The following PTPRM variants were observed in gnomAD, a reference collection of about 807,000 sequenced individuals.
PTPRM encodes protein tyrosine phosphatase receptor type M, also known as receptor-type tyrosine-protein phosphatase mu.
PTPRM carries 47 observed loss-of-function variants against 186.7 expected under a neutral mutation model. The observed-to-expected ratio is 0.25, with a 90% CI of 0.20 to 0.32. The LOEUF (loss-of-function observed/expected upper bound fraction) is 0.32, where lower values mean the gene tolerates loss of function less well. Among genes scored for constraint, PTPRM ranks in the 10% least tolerant of loss-of-function variants. PTPRM has a pLI of 1.00. For synonymous variants in PTPRM, 668 were observed against 674.9 expected (o/e 0.99, Z 0.16); for missense variants, 1,494 against 1,865.0 (o/e 0.80, Z 3.66).
chr18:8,254,638 T>C (rs79636817), intron 19 of PTPRM, among the ~76,000 whole-genome samples: 10,579 of 152,262 alleles, frequency 0.069, 426 homozygotes, highest in Middle Eastern at 0.12. Context: ...ACCTGGATAG[T>C]CTGTGAGTTT....
intron 14 of PTPRM, among the ~76,000 whole-genome samples, chr18:8,175,739 G>A (rs914243074): frequency 1.5e-4 from 23 of 152,214 alleles, no homozygotes; most frequent in African/African-American, 4.3e-4. Context: ...GCTGAGTCCA[G>A]TAGGCATCTT....
chr18:7,768,697 A>G (rs888351071), intron 1 of PTPRM, among the ~76,000 whole-genome samples: 1 of 147,756 alleles, frequency 6.8e-6, no homozygotes, highest in Non-Finnish European at 1.5e-5. Context: ...CCCAGGCTGG[A>G]GGGCAATGGC....
intron 1 of PTPRM, among the ~76,000 whole-genome samples, chr18:7,597,035 A>G (rs1043130362): frequency 6.6e-6 from 1 of 152,056 alleles, no homozygotes; most frequent in Non-Finnish European, 1.5e-5. Flanking sequence ...TGTATTTTTT[A>G]GTAGAGACTA....
intron 7 of PTPRM, among the ~76,000 whole-genome samples, chr18:8,053,616 C>T (rs1215929133): frequency 2.6e-5 from 4 of 152,138 alleles, no homozygotes; most frequent in Non-Finnish European, 4.4e-5. Flanking sequence ...ATTCTTCCTA[C>T]GGAGTGTTCT....
At chr18:8,089,073 T>A (rs544218824) in intron 11 of PTPRM, among the ~76,000 whole-genome samples, 1 of 152,218 alleles carries the variant, frequency 6.6e-6, no homozygotes, top group Non-Finnish European at 1.5e-5. Context: ...TGCAAGTGAG[T>A]TGTTCTTTTG....
chr18:7,757,306 GCA>G (rs917391141), intron 1 of PTPRM, among the ~76,000 whole-genome samples: 2 of 152,318 alleles, frequency 1.3e-5, no homozygotes, highest in Admixed American at 6.5e-5. Flanking sequence ...TCTGTGTTGG[GCA>G]TCTCTTACTG....
At chr18:8,393,722 A>C (rs653558) in intron 31 of PTPRM, among the ~76,000 whole-genome samples, 118,524 of 151,980 alleles carry the variant, frequency 0.78, 46,387 homozygotes, top group African/African-American at 0.84. Context: ...CATAGTAAAA[A>C]GTTTTCTTTA....
chr18:8,125,844 T>C (rs2092320028), intron 13 of PTPRM, among the ~76,000 whole-genome samples: 1 of 151,518 alleles, frequency 6.6e-6, no homozygotes. Context: ...CTATACATGG[T>C]AGGAATTTCT....
intron 13 of PTPRM, among the ~76,000 whole-genome samples, chr18:8,118,600 G>A (rs1440412425): frequency 6.6e-6 from 1 of 152,072 alleles, no homozygotes; most frequent in East Asian, 1.9e-4. Context: ...AGGAGTTCAA[G>A]ACCAGCCTGG....
At chr18:7,795,405 G>A (rs769226571) in intron 2 of PTPRM, among the ~76,000 whole-genome samples, 2 of 151,124 alleles carry the variant, frequency 1.3e-5, no homozygotes, top group Non-Finnish European at 2.9e-5. Context: ...GTAACTCAGG[G>A]TTCTTCTCTT....
At chr18:8,219,706 A>C (rs1305775496) in intron 14 of PTPRM, among the ~76,000 whole-genome samples, 1 of 152,164 alleles carries the variant, frequency 6.6e-6, no homozygotes, top group Non-Finnish European at 1.5e-5. Flanking sequence ...GAGATTCTTT[A>C]ATTTGCAATT....
chr18:8,388,159 C>T (rs925767407), intron 31 of PTPRM, among the ~76,000 whole-genome samples: 1 of 152,172 alleles, frequency 6.6e-6, no homozygotes, highest in African/African-American at 2.4e-5. Context: ...AGCTAATCAA[C>T]CAGCTGCAAT....
At chr18:7,895,361 G>A (rs1315919176) in intron 3 of PTPRM, among the ~76,000 whole-genome samples, 1 of 152,176 alleles carries the variant, frequency 6.6e-6, no homozygotes, top group Non-Finnish European at 1.5e-5. Context: ...CTGCTAAGGC[G>A]CTTCCTAAAT....
intron 1 of PTPRM, among the ~76,000 whole-genome samples, chr18:7,759,692 A>G (rs2041678279): frequency 6.6e-6 from 1 of 152,198 alleles, no homozygotes; most frequent in South Asian, 2.1e-4. Flanking sequence ...CCCTGTGCAC[A>G]ATAGGTCTAA....
intron 8 of PTPRM, among the ~76,000 whole-genome samples, chr18:8,074,155 A>C (rs1331549227): frequency 6.6e-6 from 1 of 152,164 alleles, no homozygotes; most frequent in Non-Finnish European, 1.5e-5. Flanking sequence ...CATACTATCT[A>C]TGAGTCCTTT....
At chr18:8,118,811 A>AAAAAAAAT (rs372020679) in intron 13 of PTPRM, among the ~76,000 whole-genome samples, 9 of 128,370 alleles carry the variant, frequency 7.0e-5, no homozygotes, top group African/African-American at 2.6e-4. Context: ...AAAAAAAAAA[A>AAAAAAAAT]ATATATATAT....
intron 1 of PTPRM, among the ~76,000 whole-genome samples, chr18:7,689,973 A>C (rs2039698036): frequency 6.6e-6 from 1 of 152,192 alleles, no homozygotes; most frequent in African/African-American, 2.4e-5. Context: ...AGGCATTTAT[A>C]CTGTATAAAG....
Position 8,339,490 on chromosome 18 carries a change from A to T in PTPRM, c.2957-3933A>T, listed in dbSNP as rs142394654. ...ATCAAATGCCCTGTCTTGCAAACAC[A>T]TCTGTTCACACCTTGAGAGAGGGAG... is the stretch of plus-strand genomic sequence containing the variant. On this transcript the variant is annotated intron_variant, in intron 22 of 32. Transcript: ENST00000580170. Among the ~76,000 whole-genome samples the T allele has an allele frequency of 3.6e-3, 541 of 152,210 alleles. 3 individuals carry two copies. Among genetic ancestry groups the T allele is most frequent in the African/African-American group, 0.012 (508 of 41,532 alleles).
rs562365372 is a variant in PTPRM, at chr18:7,835,465, G to A, written c.197-52641G>A. Among the ~76,000 whole-genome samples, 3 of 151,960 alleles carry A rather than the reference G, an allele frequency of 2.0e-5. No individual in the cohort carries two copies. In the South Asian group the frequency reaches 6.2e-4, roughly 32 times the overall value. ...AAGATGCTTGGTATTATTTATATTT[G>A]TTTGAATGTTTTAGGACTTTTGTGA... On this transcript the variant is annotated intron_variant, in intron 2 of 32. Coordinates refer to ENST00000580170, the MANE Select transcript of PTPRM (RefSeq NM_001105244.2).
Sources: allele counts gnomAD v4.1 joint callset (sites outside exome capture counted in the v4.1 genomes callset), GRCh38; gene constraint gnomAD v4.1.1; transcripts MANE v1.5; gene names NCBI Gene and HGNC (gene_info 2026-07-23, HGNC 2026-07-21).